Variants in LAMA1 observed in about 807,000 individuals in gnomAD.
LAMA1 encodes laminin subunit alpha 1.
Under a neutral mutation model 348.7 loss-of-function variants are expected in LAMA1, and 219 were observed. The ratio of observed to expected loss-of-function variants is 0.63; its 90% CI spans 0.56 to 0.70. The LOEUF (loss-of-function observed/expected upper bound fraction) is 0.70. Among genes scored for constraint, LAMA1 ranks in the 30% least tolerant of loss-of-function variants. LAMA1 has a pLI of 0.00. For synonymous variants in LAMA1, 1,487 were observed against 1,491.0 expected (o/e 1.00, Z 0.06); for missense variants, 3,744 against 3,888.0 (o/e 0.96, Z 0.99).
rs147367079 is a variant in LAMA1 at position 6,943,452 on chromosome 18, C to T, written c.8845-50G>A. On this transcript the variant is annotated intron_variant, in intron 61 of 62. Transcript: ENST00000389658. ...TTTTGTGTATTTAAGGAACACAGTC[C>T]ATTTGTATAAGCTCTTGGAGTAGAT... is the stretch of plus-strand genomic sequence containing the variant. 1,512 of 1,427,412 alleles carry T rather than the reference C, an allele frequency of 1.1e-3. 2 individuals are homozygous for T. The highest frequency in any genetic ancestry group is 1.1e-3 in the Non-Finnish European group (1,159 of 1,010,326). 88.4% of individuals were successfully genotyped at this position (1,427,412 alleles called of 1,614,324 possible). A position where few individuals can be genotyped will look rare whatever the true frequency, so the allele number is the denominator to read the frequency against.
chr18:7,081,583 A>C (rs1247688420), intron 1 of LAMA1, among the ~76,000 whole-genome samples: 1 of 152,232 alleles, frequency 6.6e-6, no homozygotes, highest in Non-Finnish European at 1.5e-5. Flanking sequence ...GATCAGTACC[A>C]GGTCCAAACT....
chr18:7,099,984 G>A (rs1727819740), intron 1 of LAMA1, among the ~76,000 whole-genome samples: 1 of 150,460 alleles, frequency 6.6e-6, no homozygotes, highest in South Asian at 2.1e-4. Context: ...GCGTGAACCA[G>A]GGAGGCGGAG....
chr18:6,951,722 G>T (rs1356824923), intron 57 of LAMA1, among the ~76,000 whole-genome samples: 1 of 152,216 alleles, frequency 6.6e-6, no homozygotes, highest in Non-Finnish European at 1.5e-5. Flanking sequence ...GGAGTCGGGT[G>T]GCTTAGACCA....
intron 1 of LAMA1, among the ~76,000 whole-genome samples, chr18:7,102,418 T>G: frequency 6.7e-6 from 1 of 149,628 alleles, no homozygotes; most frequent in African/African-American, 2.4e-5. Context: ...TAGAGTTCCC[T>G]TAAAAAAAAG....
chr18:6,973,204 A>T lies in LAMA1; in HGVS notation c.6627T>A (p.Phe2209Leu). 2 of 1,614,094 alleles carry T rather than the reference A, an allele frequency of 1.2e-6. No homozygotes were observed. Among genetic ancestry groups the T allele is most frequent in the Non-Finnish European group, 1.7e-6 (2 of 1,179,972 alleles). The stretch of plus-strand genomic sequence containing the variant: ...TTACACTCAGTGAACCAATGTTTCC[A>T]AATCTAAGGGTTACAAAGAATTGCA... ...NRWHSIHVARFGNIGSLSVKE... is the reference protein window; with the variant it reads ...NRWHSIHVARLGNIGSLSVKE... Residue 2209 changes from phenylalanine to leucine, a missense_variant, in exon 47 of 63, where the codon TTT becomes TTA. Phe to Leu is a conservative substitution (Grantham distance 22). Transcript: ENST00000389658.
chr18:6,997,745 G>A lies in LAMA1; in HGVS notation c.4803C>T (p.Leu1601=), dbSNP rs1568024000. 1 of 1,613,666 alleles carries A rather than the reference G, an allele frequency of 6.2e-7. No individual in the cohort carries two copies. Among genetic ancestry groups the A allele is most frequent in the Middle Eastern group, 1.7e-4 (1 of 6,060 alleles). The change falls in exon 33 of 63, where the codon CTC becomes CTT. Residue 1601 remains leucine (L), a synonymous_variant. Coordinates refer to ENST00000389658, the MANE Select transcript of LAMA1 (RefSeq NM_005559.4). The part of the protein sequence containing the change: ...LSNLENTTKY[L]QESLLKENMQ... ...TCTCTGTATTTCCAGTACCTACCTG[G>A]AGATATTTAGTTGTATTTTCCAGGT... is the stretch of plus-strand genomic sequence containing the variant.
At chr18:7,057,216 C>T (rs1022031657) in intron 3 of LAMA1, among the ~76,000 whole-genome samples, 35 of 152,174 alleles carry the variant, frequency 2.3e-4, no homozygotes, top group African/African-American at 7.7e-4. Context: ...ACTGTCATTT[C>T]CCCCCATTAC....
At chr18:7,045,119 G>A (rs1040181234) in intron 6 of LAMA1, among the ~76,000 whole-genome samples, 1 of 152,128 alleles carries the variant, frequency 6.6e-6, no homozygotes, top group African/African-American at 2.4e-5. Context: ...TAAGGGTTTA[G>A]AAACTCCTAT....
Position 6,999,982 on chromosome 18 carries a change from A to G in LAMA1, c.4398T>C (p.Cys1466=). The change falls in exon 31 of 63, where the codon TGT becomes TGC. Residue 1466 remains cysteine, a synonymous_variant. Transcript: ENST00000389658. The part of the protein sequence containing the change: ...HSPPASFSPT[C]VLEGDHDFRC... ...GGAAATCGTGGTCCCCTTCCAAGAC[A>G]CAAGTGGGACTAAAACTGGAGGAAA... is the stretch of plus-strand genomic sequence containing the variant. 6.2e-7 allele frequency: 1 copy of G among 1,613,606 alleles called. No individual in the cohort carries two copies. Among genetic ancestry groups the G allele is most frequent in the Non-Finnish European group, 8.5e-7 (1 of 1,179,562 alleles).
At chr18:7,046,062 TA>T in intron 6 of LAMA1, among the ~76,000 whole-genome samples, 1 of 152,082 alleles carries the variant, frequency 6.6e-6, no homozygotes, top group South Asian at 2.1e-4. Flanking sequence ...TTTTATCACA[TA>T]AAAAAATCAT....
At chr18:7,110,294 T>C (rs928217077) in intron 1 of LAMA1, among the ~76,000 whole-genome samples, 1 of 151,038 alleles carries the variant, frequency 6.6e-6, no homozygotes, top group African/African-American at 2.4e-5. Flanking sequence ...GATCAGGAAG[T>C]TTTTCAAGGA....
chr18:7,016,500 T>C lies in LAMA1; in HGVS notation c.2980A>G (p.Ser994Gly), dbSNP rs374316816. 4 of 1,614,094 alleles carry C rather than the reference T, an allele frequency of 2.5e-6. No individual in the cohort carries two copies. In the African/African-American group the frequency reaches 4.0e-5, roughly 16 times the overall value. ...AHGFYAYQDG[S>G]CTPCDCPHTQ... ...GGAAATCAAGGCTTACGTGTACAGC[T>C]ACCATCCTGGTAGGCGTAGAAGCCA... is the stretch of plus-strand genomic sequence containing the variant. The change falls in exon 21 of 63, where the codon AGC becomes GGC. Residue 994 changes from serine (S) to glycine (G), a missense_variant. Around this residue, in one of 3 missense-constraint regions of LAMA1, gnomAD observed 1,529 missense variants for 1,689.4 expected, o/e 0.91. Transcript: ENST00000389658.
intron 42 of LAMA1, among the ~76,000 whole-genome samples, chr18:6,979,868 C>T (rs868483768): frequency 6.6e-6 from 1 of 152,198 alleles, no homozygotes. Context: ...CACTGCACTC[C>T]AGCCTGGGCG....
Position 7,117,778 on chromosome 18 carries a change from G to C in LAMA1, c.-58C>G. 2 of 1,501,666 alleles carry C rather than the reference G, an allele frequency of 1.3e-6. No individual in the cohort carries two copies. The highest frequency in any genetic ancestry group is 1.8e-6 in the Non-Finnish European group (2 of 1,108,256). The allele number at this position is 1,501,666 out of a possible 1,614,324, so 93.0% of individuals were successfully genotyped here. A position where few individuals can be genotyped will look rare whatever the true frequency, so the allele number is the denominator to read the frequency against. On this transcript the variant is annotated 5_prime_UTR_variant, in exon 1 of 63. Coordinates refer to ENST00000389658, the MANE Select transcript of LAMA1 (RefSeq NM_005559.4). ...AGAAAGCCGCGCGCCCGCCTGGAAC[G>C]CTCCACGGGACGCGAGTCCGCGCTG...
At chr18:7,000,120 T>G in intron 30 of LAMA1, 123 bp from the exon 31 acceptor site, 1 of 720,436 alleles carries the variant, frequency 1.4e-6, no homozygotes, top group Non-Finnish European at 2.4e-6. Context: ...TACACATAGC[T>G]TTTTAGAGCT....
Position 6,959,351 on chromosome 18 carries a change from T to G in LAMA1, c.7768A>C (p.Arg2590=). 6 of 1,614,126 alleles carry G rather than the reference T, an allele frequency of 3.7e-6. No individual in the cohort carries two copies. The highest frequency in any genetic ancestry group is 5.1e-6 in the Non-Finnish European group (6 of 1,180,024). ...DGQAHSISLV[R]NRRIITVQLD... ...GCCGCGTGCAAGTACCTCCGATTCC[T>G]GACCAAGGAGATGGAATGCGCTTGT... The change falls in exon 54 of 63, where the codon AGG becomes CGG. Residue 2590 remains arginine (R), a synonymous_variant. Coordinates refer to ENST00000389658, the MANE Select transcript of LAMA1 (RefSeq NM_005559.4).
At chr18:6,986,474 A>C in intron 36 of LAMA1, 127 bp from the exon 37 acceptor site, 1 of 796,912 alleles carries the variant, frequency 1.3e-6, no homozygotes, top group Non-Finnish European at 2.1e-6. Context: ...GTGATACATC[A>C]TAACTTCTTA....
chr18:6,950,762 C>T lies in LAMA1; in HGVS notation c.8397+20G>A. ...GAACAGAACTCAGAAGCAGCCACCACAAGCCTCCTGAGATCGTACCGTGTG... is the reference window on the plus strand; with the variant it reads ...GAACAGAACTCAGAAGCAGCCACCATAAGCCTCCTGAGATCGTACCGTGTG... On this transcript the variant is annotated intron_variant, in intron 58 of 62. Coordinates refer to ENST00000389658, the MANE Select transcript of LAMA1 (RefSeq NM_005559.4). 1 of 1,613,512 alleles carries T rather than the reference C, an allele frequency of 6.2e-7. No homozygotes were observed. The highest frequency in any genetic ancestry group is 1.7e-5 in the Admixed American group (1 of 60,018).
rs753530804 is a variant in LAMA1 at position 6,997,742 on chromosome 18, C to A, written c.4806G>T (p.Gln1602His). 1 of 1,613,480 alleles carries A rather than the reference C, an allele frequency of 6.2e-7. No homozygotes were observed. The highest frequency in any genetic ancestry group is 8.5e-7 in the Non-Finnish European group (1 of 1,179,554). The change falls in exon 33 of 63, where the codon CAG becomes CAT. Residue 1602 changes from glutamine (Q) to histidine (H), a missense_variant and splice_region_variant. Coordinates refer to ENST00000389658, the MANE Select transcript of LAMA1 (RefSeq NM_005559.4). ...TCATCTCTGTATTTCCAGTACCTACCTGGAGATATTTAGTTGTATTTTCCA... is the reference window on the plus strand; with the variant it reads ...TCATCTCTGTATTTCCAGTACCTACATGGAGATATTTAGTTGTATTTTCCA... ...SNLENTTKYL[Q>H]ESLLKENMQK...
Sources: allele counts gnomAD v4.1 joint callset (sites outside exome capture counted in the v4.1 genomes callset), GRCh38; gene constraint gnomAD v4.1.1; regional missense constraint gnomAD v4.1.1; transcripts MANE v1.5; gene names NCBI Gene and HGNC (gene_info 2026-07-23, HGNC 2026-07-21).